Variants in CAPN2 observed in about 807,000 individuals in gnomAD.
CAPN2 encodes calpain 2, also known as calpain-2 catalytic subunit.
Under a neutral mutation model 102.3 loss-of-function variants are expected in CAPN2, and 92 were observed. That is an observed-to-expected ratio of 0.90 (90% confidence interval 0.76 to 1.07). The LOEUF (loss-of-function observed/expected upper bound fraction) is 1.07, where lower values mean the gene tolerates loss of function less well. CAPN2 is among the 50% of genes least tolerant of loss of function. The pLI is 0.00. For synonymous variants in CAPN2, 340 were observed against 355.4 expected (o/e 0.96, Z 0.49); for missense variants, 800 against 909.4 (o/e 0.88, Z 1.55).
rs1660347686 is a variant in CAPN2 at position 223,731,924 on chromosome 1, C to G, written c.308-12176C>G. On this transcript the variant is annotated intron_variant, in intron 2 of 20. Coordinates refer to ENST00000295006, the MANE Select transcript of CAPN2 (RefSeq NM_001748.5). The surrounding 1 kb of genome is among the most constrained non-coding windows in gnomAD (Gnocchi z 4.2). The stretch of plus-strand genomic sequence containing the variant: ...GTCACCGGTAAGCTGAGTTCTTTCC[C>G]TACTTGGTATCAGTTGCAAAGAAAG... Among the ~76,000 whole-genome samples the G allele has an allele frequency of 1.3e-5, 2 of 152,182 alleles. No homozygotes were observed. The highest frequency in any genetic ancestry group is 4.1e-4 in the South Asian group (2 of 4,832).
intron 15 of CAPN2, among the ~76,000 whole-genome samples, chr1:223,765,597 G>A (rs1222155): frequency 0.54 from 81,453 of 152,010 alleles, 22,484 homozygotes; most frequent in African/African-American, 0.66. Context: ...TTCGCTCCGC[G>A]CGTGCCTCTG....
intron 15 of CAPN2, among the ~76,000 whole-genome samples, chr1:223,764,935 G>A (rs1457718727): frequency 6.6e-6 from 1 of 152,220 alleles, no homozygotes; most frequent in Non-Finnish European, 1.5e-5. Flanking sequence ...TCAGAGGATT[G>A]ATTGTTCAAC....
At chr1:223,761,934 T>C (rs1417353414) in intron 13 of CAPN2, among the ~76,000 whole-genome samples, 2 of 152,216 alleles carry the variant, frequency 1.3e-5, no homozygotes, top group African/African-American at 2.4e-5. Flanking sequence ...CTAGAGAAGA[T>C]ACCTCTGTGA....
At chr1:223,760,153 T>TTTAAG (rs1661150249) in intron 12 of CAPN2, among the ~76,000 whole-genome samples, 1 of 152,192 alleles carries the variant, frequency 6.6e-6, no homozygotes, top group African/African-American at 2.4e-5. Context: ...AGGGAATTCA[T>TTTAAG]CGAAAGGCCA....
In CAPN2 at chr1:223,755,388, C is replaced by G; in HGVS notation, c.1136-92C>G. ...ACCATCTCCCTTTATCTCCATCCCT[C>G]TCAGAAGCCTCCAAGCCTGAGACCA... On this transcript the variant is annotated intron_variant, in intron 9 of 20. Coordinates refer to ENST00000295006, the MANE Select transcript of CAPN2 (RefSeq NM_001748.5). The surrounding 1 kb of genome is among the most constrained non-coding windows in gnomAD (Gnocchi z 4.1). 1.5e-6 allele frequency: 2 copies of G among 1,308,180 alleles called. No homozygotes were observed. Among genetic ancestry groups the G allele is most frequent in the Non-Finnish European group, 2.2e-6 (2 of 928,154 alleles). The allele number at this position is 1,308,180 out of a possible 1,614,324, so 81.0% of individuals were successfully genotyped here.
chr1:223,734,990 T>G (rs974549289), intron 2 of CAPN2, among the ~76,000 whole-genome samples: 13 of 152,158 alleles, frequency 8.5e-5, no homozygotes, highest in Non-Finnish European at 1.5e-5. Flanking sequence ...GAAACCAGAC[T>G]GCTCTCCCTA....
At chr1:223,737,981 T>C (rs1660510585) in intron 2 of CAPN2, among the ~76,000 whole-genome samples, 2 of 152,132 alleles carry the variant, frequency 1.3e-5, no homozygotes, top group Non-Finnish European at 2.9e-5. Flanking sequence ...TATTTATCTA[T>C]ATCCTCATGC....
Position 223,755,709 on chromosome 1 carries a change from G to A in CAPN2, c.1305+60G>A. The stretch of plus-strand genomic sequence containing the variant: ...CATGTGTTCATCTCAGCCCCTGCAT[G>A]GAAAGCTGACCCCAGAGGCAGAACT... On this transcript the variant is annotated intron_variant, in intron 10 of 20. Transcript: ENST00000295006. The surrounding 1 kb of genome is among the most constrained non-coding windows in gnomAD (Gnocchi z 4.1). The A allele has an allele frequency of 6.9e-7, 1 of 1,458,388 alleles. No individual in the cohort carries two copies. Among genetic ancestry groups the A allele is most frequent in the Admixed American group, 2.4e-5 (1 of 41,742 alleles). 90.3% of individuals were successfully genotyped at this position (1,458,388 alleles called of 1,614,324 possible).
At chr1:223,766,058 C>A (rs985120062) in intron 15 of CAPN2, among the ~76,000 whole-genome samples, 9 of 152,244 alleles carry the variant, frequency 5.9e-5, no homozygotes, top group African/African-American at 2.2e-4. Context: ...TGCCCAACAA[C>A]TACAGGTGAC....
At chr1:223,736,181 A>T (rs1660452610) in intron 2 of CAPN2, among the ~76,000 whole-genome samples, 1 of 152,104 alleles carries the variant, frequency 6.6e-6, no homozygotes, top group African/African-American at 2.4e-5. Flanking sequence ...TGTTTGCTGG[A>T]GGGGTCCTGG....
chr1:223,732,933 C>T (rs1660368517), intron 2 of CAPN2, among the ~76,000 whole-genome samples: 1 of 152,198 alleles, frequency 6.6e-6, no homozygotes, highest in Non-Finnish European at 1.5e-5. Flanking sequence ...CAGGGGCCAG[C>T]TTGTTTCTTT....
At chr1:223,761,555 A>G (rs1196322057) in intron 12 of CAPN2, 26 bp from the exon 13 acceptor site, 1 of 1,606,024 alleles carries the variant, frequency 6.2e-7, no homozygotes, top group Non-Finnish European at 8.5e-7. Context: ...GCCTTCCAGT[A>G]ACACATAATT....
chr1:223,706,581 G>A (rs1456541605), intron 1 of CAPN2, among the ~76,000 whole-genome samples: 1 of 152,134 alleles, frequency 6.6e-6, no homozygotes, highest in African/African-American at 2.4e-5. Context: ...TCTAGGTGTT[G>A]GCAGCCAGGC....
intron 11 of CAPN2, chr1:223,758,551 A>G (rs572474180): frequency 6.6e-6 from 1 of 152,532 alleles, no homozygotes; most frequent in East Asian, 1.9e-4. Flanking sequence ...CCTGCCTGAG[A>G]GTCTCTTAGA....
At chr1:223,714,894 G>A (rs1017758065) in intron 1 of CAPN2, among the ~76,000 whole-genome samples, 4 of 152,248 alleles carry the variant, frequency 2.6e-5, no homozygotes, top group Admixed American at 2.6e-4. Context: ...GGATGTAGAG[G>A]TCTAGAGATG....
chr1:223,712,535 C>G, upstream of CAPN2: 1 of 1,240,032 alleles, frequency 8.1e-7, no homozygotes. Flanking sequence ...GCGGCGGCGC[C>G]CGCAGTGGCC....
intron 20 of CAPN2, among the ~76,000 whole-genome samples, chr1:223,773,522 C>T (rs1661536422): frequency 6.6e-6 from 1 of 152,148 alleles, no homozygotes; most frequent in African/African-American, 2.4e-5. Flanking sequence ...GGAGAAACCC[C>T]ATCTCTACTA....
upstream of CAPN2, among the ~76,000 whole-genome samples, chr1:223,709,676 G>A (rs1488831026): frequency 7.7e-6 from 1 of 130,630 alleles, no homozygotes; most frequent in Non-Finnish European, 1.7e-5. Flanking sequence ...AAAAAAAAGA[G>A]TCCATTTAAC....
rs1402787796 is a variant in CAPN2, at chr1:223,760,993, C to T, written c.1530-588C>T. Among the ~76,000 whole-genome samples the T allele has an allele frequency of 3.3e-5, 5 of 152,134 alleles. No homozygotes were observed. In the East Asian group the frequency reaches 7.7e-4, roughly 23 times the overall value. ...AAGGACCTGGCCCTGGACACAGGGG[C>T]GGTGCACAGTATAAACTAACCACTG... On this transcript the variant is annotated intron_variant, in intron 12 of 20. Transcript: ENST00000295006.
Sources: gnomAD v4.1 joint callset for allele counts (sites outside exome capture counted in the v4.1 genomes callset) on GRCh38, gnomAD v4.1.1 for gene constraint, Gnocchi (gnomAD v3.1) non-coding constraint, MANE v1.5 for transcripts, NCBI Gene and HGNC (gene_info 2026-07-23, HGNC 2026-07-21) for gene names.